UPB1: variants seen among roughly 807,000 people sequenced by gnomAD.
UPB1 encodes the protein beta-ureidopropionase.
A neutral mutation model predicts 49.1 loss-of-function variants in UPB1; 40 were observed. That is an observed-to-expected ratio of 0.81 (90% CI 0.63 to 1.06). UPB1 has a LOEUF of 1.06. UPB1 is among the 50% of genes least tolerant of loss of function. The pLI, the probability that UPB1 is intolerant of heterozygous loss-of-function variation, is 0.00. For synonymous variants in UPB1, 207 were observed against 198.2 expected (o/e 1.04, Z -0.38); for missense variants, 499 against 505.9 (o/e 0.99, Z 0.13).
At chr22:24,516,390 T>C (rs1321647306) in intron 6 of UPB1, 1 of 152,288 alleles carries the variant, frequency 6.6e-6, no homozygotes, top group African/African-American at 2.4e-5. Flanking sequence ...TCTGACTGCA[T>C]GACTCTGCTG....
chr22:24,513,630 A>G lies in UPB1; in HGVS notation c.621+145A>G, dbSNP rs1260060308. 2.5e-6 allele frequency: 3 copies of G among 1,195,158 alleles called. 1 individual carries two copies. Among genetic ancestry groups the G allele is most frequent in the Non-Finnish European group, 3.6e-6 (3 of 837,262 alleles). The allele number at this position is 1,195,158 out of a possible 1,614,324, so 74.0% of individuals were successfully genotyped here. ...CTCCACGGGAGCACAGTGTGGCTGC[A>G]GTGCTCAGAGGGTTACCTGACATTG... On this transcript the variant is annotated intron_variant, in intron 5 of 9. Transcript: ENST00000326010.
At position 24,525,694 on chromosome 22, in the gene UPB1, C is replaced by A; in HGVS notation, c.1072-17C>A. On this transcript the variant is annotated splice_polypyrimidine_tract_variant and intron_variant, in intron 9 of 9. Transcript: ENST00000326010. ...TAAAACCAGAACCTCTAAAGTACATCTGTGTTTTGCTTTCAGATGACGGGC... is the reference window on the plus strand; with the variant it reads ...TAAAACCAGAACCTCTAAAGTACATATGTGTTTTGCTTTCAGATGACGGGC... 1 of 1,614,072 alleles carries A rather than the reference C, an allele frequency of 6.2e-7. No homozygotes were observed. Among genetic ancestry groups the A allele is most frequent in the Non-Finnish European group, 8.5e-7 (1 of 1,179,968 alleles).
At position 24,522,848 on chromosome 22, in the gene UPB1, G is replaced by A. The variant is rs549085643; in HGVS notation, c.917-771G>A. Among the ~76,000 whole-genome samples the A allele has an allele frequency of 2.0e-4, 31 of 151,354 alleles. No homozygotes were observed. In the South Asian group the frequency reaches 5.0e-3, roughly 24 times the overall value. Reference sequence around the variant, plus strand: ...AATCCCAGCTACTCAGGAGGCTGAGGCAGGAGAATTGCTTGAACCCAGGAG... The same window carrying A: ...AATCCCAGCTACTCAGGAGGCTGAGACAGGAGAATTGCTTGAACCCAGGAG... On this transcript the variant is annotated intron_variant, in intron 8 of 9. Transcript: ENST00000326010.
At position 24,502,194 on chromosome 22, in the gene UPB1, C is replaced by A. The variant is rs1000662421; in HGVS notation, c.345C>A (p.Ile115=). The A allele has an allele frequency of 2.5e-6, 4 of 1,614,074 alleles. No homozygotes were observed. Among genetic ancestry groups the A allele is most frequent in the Non-Finnish European group, 3.4e-6 (4 of 1,180,050 alleles). Residue 115 remains isoleucine, a synonymous_variant, in exon 3 of 10, where the codon ATC becomes ATA. Transcript: ENST00000326010. Reference sequence around the variant, plus strand: ...CTGCAATGTGTGGAGTCAACATCATCTGTTTCCAGGAAGCATGGAGTGAGT... The same window carrying A: ...CTGCAATGTGTGGAGTCAACATCATATGTTTCCAGGAAGCATGGAGTGAGT... ...EVAAMCGVNI[I]CFQEAWTMPF... is the part of the protein sequence containing the mutation.
intron 3 of UPB1, among the ~76,000 whole-genome samples, chr22:24,508,566 GA>G (rs760083449): frequency 1.5e-5 from 2 of 134,534 alleles, no homozygotes; most frequent in African/African-American, 5.3e-5. Flanking sequence ...TCTCAAAAAA[GA>G]AAAAAAAAGA....
chr22:24,512,394 A>G (rs1049264498), intron 4 of UPB1, among the ~76,000 whole-genome samples: 22 of 152,176 alleles, frequency 1.4e-4, no homozygotes, highest in African/African-American at 5.3e-4. Flanking sequence ...AGCTAATTAG[A>G]GTAGAGGACA....
chr22:24,507,219 T>C (rs576233066), intron 3 of UPB1, among the ~76,000 whole-genome samples: 1 of 152,244 alleles, frequency 6.6e-6, no homozygotes, highest in Admixed American at 6.5e-5. Context: ...TTAATGGTCA[T>C]TAAGGAGCAT....
intron 2 of UPB1, among the ~76,000 whole-genome samples, chr22:24,500,847 A>G (rs1457459036): frequency 2.0e-5 from 3 of 152,184 alleles, no homozygotes; most frequent in Admixed American, 2.0e-4. Flanking sequence ...TGCTTTATAC[A>G]CTTCTCCACA....
chr22:24,520,600 T>C, intron 7 of UPB1, 132 bp downstream of exon 7: 1 of 998,012 alleles, frequency 1.0e-6, no homozygotes, highest in South Asian at 1.4e-5. Flanking sequence ...GTCCGTTACT[T>C]TTCAAGATAT....
Position 24,515,211 on chromosome 22 carries a change from A to T in UPB1, c.632A>T (p.Tyr211Phe). The T allele has an allele frequency of 6.2e-7, 1 of 1,614,192 alleles. No homozygotes were observed. The highest frequency in any genetic ancestry group is 1.1e-5 in the South Asian group (1 of 91,076). The change falls in exon 6 of 10, where the codon TAC (tyrosine) becomes TTC (phenylalanine). Residue 211 changes from tyrosine to phenylalanine, a missense_variant. Tyr to Phe is a conservative substitution (Grantham distance 22, BLOSUM62 3). Transcript: ENST00000326010. ...RVGDFNESTYYMEGNLGHPVF... is the reference protein window; with the variant it reads ...RVGDFNESTYFMEGNLGHPVF... Reference sequence around the variant, plus strand: ...CCCTTTGCTTTTCAGTCAACTTACTACATGGAGGGAAACCTGGGCCACCCC... The same window carrying T: ...CCCTTTGCTTTTCAGTCAACTTACTTCATGGAGGGAAACCTGGGCCACCCC...
At chr22:24,498,362 C>T (rs538186331) in intron 1 of UPB1, among the ~76,000 whole-genome samples, 2 of 152,366 alleles carry the variant, frequency 1.3e-5, no homozygotes, top group East Asian at 3.9e-4. Flanking sequence ...ACTGCGTCTA[C>T]ACAGGGTATG....
At chr22:24,518,747 G>C (rs1158892883) in intron 6 of UPB1, among the ~76,000 whole-genome samples, 3 of 152,202 alleles carry the variant, frequency 2.0e-5, no homozygotes, top group Non-Finnish European at 4.4e-5. Context: ...CATAATCCAA[G>C]GATGTGTCCC....
intron 3 of UPB1, 112 bp from the exon 4 acceptor site, chr22:24,510,637 T>C (rs1414563465): frequency 8.6e-7 from 1 of 1,165,584 alleles, no homozygotes; most frequent in African/African-American, 1.5e-5. Flanking sequence ...AGCCAGGCCA[T>C]GGCACTCCTG....
intron 7 of UPB1, among the ~76,000 whole-genome samples, chr22:24,521,201 G>GAAAAAAAT (rs1568995772): frequency 7.3e-6 from 1 of 137,410 alleles, no homozygotes; most frequent in Non-Finnish European, 1.5e-5. Context: ...AAAAAAAAAG[G>GAAAAAAAT]CCAGGTGCGG....
intron 4 of UPB1, 128 bp downstream of exon 4, chr22:24,510,971 AAGATT>A (rs2044188823): frequency 3.2e-6 from 3 of 934,894 alleles, no homozygotes; most frequent in Admixed American, 4.0e-5. Context: ...TTTGCCAGAT[AAGATT>A]AGATAAGACT....
At position 24,496,416 on chromosome 22, in the gene UPB1, C is replaced by T. The variant is rs10427760; in HGVS notation, c.104+909C>T. Among the ~76,000 whole-genome samples, 918 of 144,742 alleles carry T rather than the reference C, an allele frequency of 6.3e-3. 10 individuals carry two copies. The highest frequency in any genetic ancestry group is 0.023 in the African/African-American group (834 of 35,690). The allele number at this position is 144,742 out of a possible 152,430, so 95.0% of individuals were successfully genotyped here. ...ACACACACACACATACACACACACA[C>T]ACACACACACGTCTTTGGATTTGGA... is the stretch of plus-strand genomic sequence containing the variant. On this transcript the variant is annotated intron_variant, in intron 1 of 9. Coordinates refer to ENST00000326010, the MANE Select transcript of UPB1 (RefSeq NM_016327.3).
chr22:24,504,019 T>C (rs1016886778), intron 3 of UPB1, among the ~76,000 whole-genome samples: 1 of 152,220 alleles, frequency 6.6e-6, no homozygotes, highest in Non-Finnish European at 1.5e-5. Context: ...CCACACAGCA[T>C]GTGCCAGTAT....
At chr22:24,524,631 G>A (rs923506139) in intron 9 of UPB1, among the ~76,000 whole-genome samples, 21 of 152,036 alleles carry the variant, frequency 1.4e-4, no homozygotes, top group Non-Finnish European at 1.6e-4. Context: ...GACTATAGGC[G>A]TGCACCACCA....
At chr22:24,525,010 G>T (rs891923429) in intron 9 of UPB1, among the ~76,000 whole-genome samples, 1 of 152,064 alleles carries the variant, frequency 6.6e-6, no homozygotes, top group African/African-American at 2.4e-5. Flanking sequence ...TCCTCTTCCT[G>T]GGCAACTAGG....
Sources: allele counts gnomAD v4.1 joint callset (sites outside exome capture counted in the v4.1 genomes callset), GRCh38; gene constraint gnomAD v4.1.1; transcripts MANE v1.5; gene names NCBI Gene and HGNC (gene_info 2026-07-23, HGNC 2026-07-21).